PRKAG2: variants seen among roughly 807,000 people sequenced by gnomAD.
PRKAG2 encodes the protein protein kinase AMP-activated non-catalytic subunit gamma 2, also known as 5'-AMP-activated protein kinase subunit gamma-2.
PRKAG2 carries 26 observed loss-of-function variants against 69.6 expected under a neutral mutation model. That is an observed-to-expected ratio of 0.37 (90% confidence interval 0.27 to 0.52). PRKAG2 has a LOEUF of 0.52. Among genes scored for constraint, PRKAG2 ranks in the 20% least tolerant of loss-of-function variants. PRKAG2 has a pLI of 0.90. For missense variants in PRKAG2, 557 were observed against 740.0 expected (o/e 0.75, Z 2.87); for synonymous variants, 293 against 285.0 (o/e 1.03, Z -0.28).
chr7:151,747,550 C>T (rs1295342716), intron 3 of PRKAG2, among the ~76,000 whole-genome samples: 1 of 140,374 alleles, frequency 7.1e-6, no homozygotes, highest in African/African-American at 2.8e-5. Flanking sequence ...GAGAGAGACT[C>T]CGTCTCAAAA....
intron 4 of PRKAG2, among the ~76,000 whole-genome samples, chr7:151,642,181 GA>G (rs1231448759): frequency 0.027 from 3,846 of 142,576 alleles, 161 homozygotes; most frequent in African/African-American, 0.089. Flanking sequence ...TAAAAATACA[GA>G]AAAAAAAAAA....
At chr7:151,754,458 G>A (rs1028622997) in intron 3 of PRKAG2, among the ~76,000 whole-genome samples, 1 of 152,254 alleles carries the variant, frequency 6.6e-6, no homozygotes, top group Admixed American at 6.5e-5. Flanking sequence ...GGTCCGGAAG[G>A]CTCCAGCTGT....
intron 15 of PRKAG2, chr7:151,558,088 A>G (rs1804161710): frequency 1.0e-6 from 1 of 985,158 alleles, no homozygotes; most frequent in Admixed American, 6.1e-5. Flanking sequence ...TGGCTGAAAC[A>G]CCGTAGCTCC....
intron 5 of PRKAG2, among the ~76,000 whole-genome samples, chr7:151,603,634 C>T (rs1016944853): frequency 6.6e-6 from 1 of 151,888 alleles, no homozygotes; most frequent in Non-Finnish European, 1.5e-5. Flanking sequence ...CGGAGGGACC[C>T]GCTCCGTCCT....
chr7:151,813,002 G>C (rs938359872), intron 1 of PRKAG2, among the ~76,000 whole-genome samples: 4 of 151,870 alleles, frequency 2.6e-5, no homozygotes, highest in Non-Finnish European at 5.9e-5. Flanking sequence ...ATGCAAGTTG[G>C]GGAAGCAGCT....
chr7:151,845,743 C>T (rs2151891188), intron 1 of PRKAG2, among the ~76,000 whole-genome samples: 1 of 152,326 alleles, frequency 6.6e-6, no homozygotes, highest in Admixed American at 6.5e-5. Context: ...GCCGCATTTC[C>T]CAAAACACTG....
intron 3 of PRKAG2, among the ~76,000 whole-genome samples, chr7:151,712,263 C>G (rs1386747848): frequency 1.3e-5 from 2 of 152,216 alleles, no homozygotes; most frequent in Admixed American, 1.3e-4. Flanking sequence ...GGCTCACTCA[C>G]CCGGGAAGGA....
chr7:151,565,184 G>A (rs915150288), intron 13 of PRKAG2, among the ~76,000 whole-genome samples, 162 bp downstream of exon 13: 2 of 152,052 alleles, frequency 1.3e-5, no homozygotes, highest in South Asian at 2.1e-4. Context: ...CAGATTAAAA[G>A]TACAATTACT....
chr7:151,621,106 T>C (rs1345289102), intron 5 of PRKAG2, among the ~76,000 whole-genome samples: 1 of 152,262 alleles, frequency 6.6e-6, no homozygotes, highest in African/African-American at 2.4e-5. Flanking sequence ...CCTGCATAGC[T>C]AGTGTTTGTT....
At chr7:151,825,952 C>G (rs2078895811) in intron 1 of PRKAG2, among the ~76,000 whole-genome samples, 1 of 152,128 alleles carries the variant, frequency 6.6e-6, no homozygotes, top group South Asian at 2.1e-4. Context: ...TCCAGGGTGA[C>G]CAATTAGTCT....
At chr7:151,624,414 G>A (rs1037205232) in intron 5 of PRKAG2, among the ~76,000 whole-genome samples, 10 of 152,090 alleles carry the variant, frequency 6.6e-5, no homozygotes, top group African/African-American at 1.9e-4. Context: ...GCCTCCCAAA[G>A]TGCTGGGATT....
chr7:151,791,002 T>C (rs2077251804), intron 1 of PRKAG2, among the ~76,000 whole-genome samples: 1 of 152,204 alleles, frequency 6.6e-6, no homozygotes, highest in African/African-American at 2.4e-5. Context: ...TGTCTCGGGC[T>C]GGAGTGAGTA....
chr7:151,568,920 C>T, intron 10 of PRKAG2, 78 bp from the exon 11 acceptor site: 2 of 1,503,356 alleles, frequency 1.3e-6, no homozygotes, highest in South Asian at 2.3e-5. Flanking sequence ...TGCCTTAAAG[C>T]ACTTCCAGTG....
intron 4 of PRKAG2, among the ~76,000 whole-genome samples, chr7:151,648,905 T>C (rs1827994190): frequency 8.9e-6 from 1 of 111,846 alleles, no homozygotes; most frequent in Non-Finnish European, 1.8e-5. Context: ...AGGACCAGGA[T>C]TTTTTTTTTT....
chr7:151,765,968 G>A (rs573751371), intron 3 of PRKAG2, among the ~76,000 whole-genome samples: 55 of 152,284 alleles, frequency 3.6e-4, no homozygotes, highest in African/African-American at 1.3e-3. Flanking sequence ...CCTTCCTAAC[G>A]TTGACAGGTG....
At chr7:151,660,307 G>T (rs965885687) in intron 4 of PRKAG2, among the ~76,000 whole-genome samples, 1 of 152,184 alleles carries the variant, frequency 6.6e-6, no homozygotes, top group East Asian at 1.9e-4. Context: ...TCTCAAACCC[G>T]TAGCTGAGTC....
At chr7:151,872,253 C>T (rs2080234338) in intron 1 of PRKAG2, among the ~76,000 whole-genome samples, 2 of 152,212 alleles carry the variant, frequency 1.3e-5, no homozygotes, top group Admixed American at 1.3e-4. Context: ...TCTCTCATCA[C>T]AGCTGCAGTT....
chr7:151,728,109 C>T (rs187057593), intron 3 of PRKAG2, among the ~76,000 whole-genome samples: 1 of 152,248 alleles, frequency 6.6e-6, no homozygotes, highest in Non-Finnish European at 1.5e-5. Context: ...GGAGACGCCA[C>T]CTCCTGGGGA....
intron 1 of PRKAG2, among the ~76,000 whole-genome samples, chr7:151,838,163 CA>C (rs1003273019): frequency 1.8e-4 from 27 of 152,082 alleles, no homozygotes; most frequent in African/African-American, 6.3e-4. Context: ...TTTCTAGAAG[CA>C]ACGAAGGAAA....
Sources: gnomAD v4.1 joint callset for allele counts (sites outside exome capture counted in the v4.1 genomes callset) on GRCh38, gnomAD v4.1.1 for gene constraint, MANE v1.5 for transcripts, NCBI Gene and HGNC (gene_info 2026-07-23, HGNC 2026-07-21) for gene names.